ZNF146: variants seen among roughly 807,000 people sequenced by gnomAD.
ZNF146 encodes zinc finger protein OZF.
In ZNF146, 9 loss-of-function variants were observed where a neutral mutation model predicts 22.2. The observed-to-expected ratio is 0.41, with a 90% CI of 0.24 to 0.71. The LOEUF is 0.71. ZNF146 is among the 30% of genes least tolerant of loss of function. The pLI, the probability that ZNF146 is intolerant of heterozygous loss-of-function variation, is 0.34. For missense variants in ZNF146, 194 were observed against 344.8 expected, an observed-to-expected ratio of 0.56 and a Z score of 3.46; for synonymous variants, 108 against 119.2, an observed-to-expected ratio of 0.91 and a Z score of 0.61.
chr19:36,231,969 G>A (rs1038961372), intron 3 of ZNF146, among the ~76,000 whole-genome samples: 4 of 151,558 alleles, frequency 2.6e-5, no homozygotes, highest in Admixed American at 1.3e-4. Context: ...TTGGGAGGCC[G>A]AGGCAGGCAG....
intron 3 of ZNF146, among the ~76,000 whole-genome samples, chr19:36,229,742 CAG>C (rs1197559099): frequency 6.6e-6 from 1 of 152,004 alleles, no homozygotes; most frequent in Non-Finnish European, 1.5e-5. Context: ...TTTTTTGAGA[CAG>C]AGTTTTGCTT....
chr19:36,221,799 A>T (rs1317517351), intron 2 of ZNF146, among the ~76,000 whole-genome samples: 1 of 150,764 alleles, frequency 6.6e-6, no homozygotes, highest in Non-Finnish European at 1.5e-5. Flanking sequence ...TTCTGTCACT[A>T]TTATATATTT....
intron 3 of ZNF146, among the ~76,000 whole-genome samples, chr19:36,233,748 A>G (rs888019843): frequency 2.0e-5 from 3 of 152,234 alleles, no homozygotes; most frequent in African/African-American, 7.2e-5. Context: ...TCCCACCTCC[A>G]GCCCTAAGGC....
chr19:36,235,648 C>G lies in ZNF146; in HGVS notation c.-782-11C>G, dbSNP rs925677592. The G allele has an allele frequency of 6.6e-6, 1 of 152,148 alleles. No individual in the cohort carries two copies. The highest frequency in any genetic ancestry group is 2.4e-5 in the African/African-American group (1 of 41,422). 9.4% of individuals were successfully genotyped at this position (152,148 alleles called of 1,614,324 possible). On this transcript the variant is annotated splice_polypyrimidine_tract_variant and intron_variant, in intron 3 of 3. Transcript: ENST00000443387. ...CTCCTTTGTGCTATGGTTCTTTGTA[C>G]TCCATTTTAGAAGAAGCCTGAGAAG...
At chr19:36,230,317 A>G (rs1006915270) in intron 3 of ZNF146, among the ~76,000 whole-genome samples, 11 of 152,350 alleles carry the variant, frequency 7.2e-5, no homozygotes, top group Middle Eastern at 3.4e-3. Context: ...TTCAGATGCT[A>G]GGGAAATGTC....
chr19:36,218,482 T>TC lies in ZNF146; in HGVS notation c.-855+287_-855+288insC, dbSNP rs974144940. Among the ~76,000 whole-genome samples the TC allele has an allele frequency of 5.2e-4, 79 of 152,110 alleles. 1 individual carries two copies. Among genetic ancestry groups the TC allele is most frequent in the Non-Finnish European group, 1.3e-4 (9 of 68,018 alleles). ...CTTTTGTTATTAATATTTCTTTTTT[T>TC]TTTTTGATGGAGTCTCACTGTCGCC... On this transcript the variant is annotated intron_variant, in intron 2 of 3. Transcript: ENST00000443387.
chr19:36,221,284 C>CTTTTTTT lies in ZNF146; in HGVS notation c.-855+3105_-855+3111dup, dbSNP rs74172797. Among the ~76,000 whole-genome samples the CTTTTTTT allele has an allele frequency of 4.4e-4, 43 of 98,686 alleles. 2 individuals carry two copies. The highest frequency in any genetic ancestry group is 9.2e-4 in the African/African-American group (22 of 23,864). The allele number at this position is 98,686 out of a possible 152,430, so 64.7% of individuals were successfully genotyped here. A position where few individuals can be genotyped will look rare whatever the true frequency, so the allele number is the denominator to read the frequency against. ...TTGTTGTTTTCAGGTTAAGGGACTG[C>CTTTTTTT]TTTTTTTTTTTTTTTTTTTTTTGAG... On this transcript the variant is annotated intron_variant, in intron 2 of 3. Transcript: ENST00000443387.
chr19:36,224,275 G>A (rs530358657), intron 2 of ZNF146, among the ~76,000 whole-genome samples: 4 of 152,220 alleles, frequency 2.6e-5, no homozygotes, highest in South Asian at 4.1e-4. Flanking sequence ...CCAGCTATTC[G>A]GAGGCTGAGA....
In ZNF146 at chr19:36,215,198, TG is replaced by T. The variant is rs984872309; in HGVS notation, c.-929+5del. 2 of 151,600 alleles carry T rather than the reference TG, an allele frequency of 1.3e-5. No homozygotes were observed. Among genetic ancestry groups the T allele is most frequent in the Non-Finnish European group, 2.9e-5 (2 of 68,008 alleles). 9.4% of individuals were successfully genotyped at this position (151,600 alleles called of 1,614,324 possible). The stretch of plus-strand genomic sequence containing the variant: ...GTCCACGTGGCGCGAAAGTAGGAGG[TG>T]GGATCTGGGCGTCTCGGGTCGGTCG... On this transcript the variant is annotated splice_donor_region_variant and intron_variant, in intron 1 of 3. Transcript: ENST00000443387.
At chr19:36,214,766 T>A (rs1341608564), upstream of ZNF146, 4 of 152,682 alleles carry the variant, frequency 2.6e-5, no homozygotes, top group Non-Finnish European at 4.4e-5. Flanking sequence ...GGCGTTCTCT[T>A]ATCTCTGAGT....
chr19:36,225,709 A>G (rs1398695418), intron 2 of ZNF146, among the ~76,000 whole-genome samples: 1 of 134,986 alleles, frequency 7.4e-6, no homozygotes. Context: ...AAGTGCTGGG[A>G]TTACAGGCAT....
chr19:36,224,841 A>AT (rs1401336488), intron 2 of ZNF146, among the ~76,000 whole-genome samples: 2 of 151,870 alleles, frequency 1.3e-5, no homozygotes, highest in African/African-American at 2.4e-5. Context: ...GTGTTTTAAA[A>AT]TTTTTTTCAT....
Position 36,236,923 on chromosome 19 carries a change from T to C in ZNF146, c.483T>C (p.Cys161=). 6.2e-7 allele frequency: 1 copy of C among 1,614,144 alleles called. No homozygotes were observed. Residue 161 remains cysteine (C), a synonymous_variant, in exon 4 of 4, where the codon TGT becomes TGC. Coordinates refer to ENST00000443387, the MANE Select transcript of ZNF146 (RefSeq NM_007145.3). ...AGAAGCCTTTTAAATGTAGTGAATG[T>C]GGAACAGCCTTTGGCCAGAAGAAGT... The part of the protein sequence containing the change: ...IGEKPFKCSE[C]GTAFGQKKYL...
Position 36,238,442 on chromosome 19 carries a change from A to C in ZNF146, c.*1123A>C, listed in dbSNP as rs2145475835. On this transcript the variant is annotated 3_prime_UTR_variant, in exon 4 of 4. Transcript: ENST00000443387. ...ATGGGTATTGGTTAAAGGGGACTTC[A>C]GCTTTTTATATAAACATCCACTTCT... 6.0e-6 allele frequency: 1 copy of C among 167,222 alleles called. No homozygotes were observed. Among genetic ancestry groups the C allele is most frequent in the Non-Finnish European group, 1.5e-5 (1 of 68,120 alleles). 10.4% of individuals were successfully genotyped at this position (167,222 alleles called of 1,614,324 possible).
At chr19:36,234,890 G>A (rs1453405176) in intron 3 of ZNF146, among the ~76,000 whole-genome samples, 2 of 152,108 alleles carry the variant, frequency 1.3e-5, no homozygotes, top group Admixed American at 6.5e-5. Context: ...TTGTTCTCGT[G>A]ACTGGACAGT....
chr19:36,235,362 A>G (rs1342172139), intron 3 of ZNF146, among the ~76,000 whole-genome samples: 1 of 152,168 alleles, frequency 6.6e-6, no homozygotes, highest in Non-Finnish European at 1.5e-5. Context: ...TTATTTTTCA[A>G]GAGTACTTTC....
intron 1 of ZNF146, among the ~76,000 whole-genome samples, chr19:36,217,885 C>CA (rs10590776): frequency 7.7e-4 from 102 of 133,292 alleles, no homozygotes; most frequent in African/African-American, 1.2e-3. Flanking sequence ...AACTCCATCT[C>CA]AAAAAAAAAA....
chr19:36,220,519 C>T (rs956659508), intron 2 of ZNF146, among the ~76,000 whole-genome samples: 1 of 151,978 alleles, frequency 6.6e-6, no homozygotes, highest in Non-Finnish European at 1.5e-5. Flanking sequence ...TGCATGCCAC[C>T]ACGCCCAGCT....
rs1388346262 is a variant in ZNF146 at position 36,237,779 on chromosome 19, T to A, written c.*460T>A. On this transcript the variant is annotated 3_prime_UTR_variant, in exon 4 of 4. Transcript: ENST00000443387. ...AAAAGACCTATGCATTTATTAGAAT[T>A]TGGAATATGATACAAGTGGCATCAG... The A allele has an allele frequency of 6.0e-6, 1 of 167,240 alleles. No homozygotes were observed. The allele number at this position is 167,240 out of a possible 1,614,324, so 10.4% of individuals were successfully genotyped here.
Sources: allele counts gnomAD v4.1 joint callset (sites outside exome capture counted in the v4.1 genomes callset), GRCh38; gene constraint gnomAD v4.1.1; transcripts MANE v1.5; gene names NCBI Gene and HGNC (gene_info 2026-07-23, HGNC 2026-07-21).